Variants in FAM193B observed in about 807,000 individuals in gnomAD.
The protein encoded by FAM193B is protein FAM193B.
A neutral mutation model predicts 70.7 loss-of-function variants in FAM193B; 27 were observed. The ratio of observed to expected loss-of-function variants is 0.38; its 90% CI spans 0.28 to 0.53. The LOEUF (loss-of-function observed/expected upper bound fraction) is 0.53, where lower values mean the gene tolerates loss of function less well. FAM193B is among the 20% of genes least tolerant of loss of function. FAM193B has a pLI of 0.81. For missense variants in FAM193B, 1,022 were observed against 1,072.5 expected, an observed-to-expected ratio of 0.95 and a Z score of 0.66; for synonymous variants, 448 against 436.0, an observed-to-expected ratio of 1.03 and a Z score of -0.34.
At chr5:177,542,992 C>A (rs1363267248) in intron 1 of FAM193B, among the ~76,000 whole-genome samples, 1 of 152,148 alleles carries the variant, frequency 6.6e-6, no homozygotes, top group Non-Finnish European at 1.5e-5. Flanking sequence ...TCCAATGAGA[C>A]ACTGCTTGAA....
chr5:177,521,932 C>A, intron 8 of FAM193B, 42 bp downstream of exon 8: 1 of 1,519,496 alleles, frequency 6.6e-7, no homozygotes, highest in East Asian at 2.3e-5. Context: ...GGTGGCCAAG[C>A]ACAGGGAGAG....
intron 1 of FAM193B, among the ~76,000 whole-genome samples, chr5:177,548,105 CT>C (rs930603473): frequency 6.6e-5 from 10 of 152,102 alleles, no homozygotes; most frequent in African/African-American, 2.2e-4. Flanking sequence ...TTTTTCTTCT[CT>C]TTTTTTTAGG....
chr5:177,544,295 C>G (rs1765171782), intron 1 of FAM193B, among the ~76,000 whole-genome samples: 2 of 152,188 alleles, frequency 1.3e-5, no homozygotes, highest in African/African-American at 4.8e-5. Flanking sequence ...TGCTCCCTTA[C>G]CAGATCAGGC....
rs1341957127 is a variant in FAM193B at position 177,532,408 on chromosome 5, C to T, written c.1275+35G>A. 2 of 1,588,420 alleles carry T rather than the reference C, an allele frequency of 1.3e-6. No individual in the cohort carries two copies. The highest frequency in any genetic ancestry group is 2.3e-5 in the East Asian group (1 of 43,992). Reference sequence around the variant, plus strand: ...GCTCCTTTTGCTCACCTTGGCTGGCCCCCAGCCCTCTCTAGCCTGGGCAGG... The same window carrying T: ...GCTCCTTTTGCTCACCTTGGCTGGCTCCCAGCCCTCTCTAGCCTGGGCAGG... On this transcript the variant is annotated intron_variant, in intron 5 of 8. Coordinates refer to ENST00000514747, the MANE Select transcript of FAM193B (RefSeq NM_001190946.3). This position sits in a 1 kb window ranked among gnomAD's most constrained non-coding sequence, Gnocchi z 4.9.
chr5:177,523,873 G>A, intron 7 of FAM193B, 84 bp downstream of exon 7: 2 of 1,478,656 alleles, frequency 1.4e-6, no homozygotes, highest in Non-Finnish European at 1.9e-6. Context: ...AGGCCTTTCT[G>A]AGGCTTGAGG....
intron 4 of FAM193B, 127 bp downstream of exon 4, chr5:177,536,231 C>T: frequency 9.0e-7 from 1 of 1,107,456 alleles, no homozygotes; most frequent in Non-Finnish European, 1.3e-6. Context: ...TACTTCTTTA[C>T]AATTGAAAAA....
At chr5:177,529,264 C>T (rs1159121452) in intron 5 of FAM193B, among the ~76,000 whole-genome samples, 7 of 145,974 alleles carry the variant, frequency 4.8e-5, no homozygotes, top group Non-Finnish European at 9.2e-5. Flanking sequence ...GAGAGTGTCA[C>T]GGGCTGGCAG....
At chr5:177,543,434 T>C (rs163197) in intron 1 of FAM193B, among the ~76,000 whole-genome samples, 127,159 of 152,176 alleles carry the variant, frequency 0.84, 55,030 homozygotes, top group Non-Finnish European at 0.94. Context: ...TAAGTCTACA[T>C]TGAAGACTAG....
At chr5:177,552,045 A>G (rs1766326955) in intron 1 of FAM193B, 6 of 985,408 alleles carry the variant, frequency 6.1e-6, no homozygotes, top group African/African-American at 1.7e-5. Context: ...AAAGTACCTA[A>G]AAGTCCTTTT....
Position 177,532,574 on chromosome 5 carries a change from C to G in FAM193B, c.1144G>C (p.Glu382Gln), listed in dbSNP as rs778997373. Residue 382 changes from glutamate (E) to glutamine (Q), a missense_variant, in exon 5 of 9, where the codon GAG (glutamate) becomes CAG (glutamine). Glu to Gln is a conservative substitution (Grantham distance 29, BLOSUM62 2). Transcript: ENST00000514747. The surrounding 1 kb of genome is among the most constrained non-coding windows in gnomAD (Gnocchi z 4.9). Reference sequence around the variant, plus strand: ...TCCTCACCCAGCCCCTCATCTGCCTCGCAGGGCTGGGGCAGCTGGCAAGCC... The same window carrying G: ...TCCTCACCCAGCCCCTCATCTGCCTGGCAGGGCTGGGGCAGCTGGCAAGCC... ...GLACQLPQPC[E>Q]ADEGLGEEED... is the part of the protein sequence containing the mutation. 1.9e-6 allele frequency: 3 copies of G among 1,601,450 alleles called. No homozygotes were observed. Among genetic ancestry groups the G allele is most frequent in the Admixed American group, 3.5e-5 (2 of 57,052 alleles).
intron 4 of FAM193B, among the ~76,000 whole-genome samples, chr5:177,535,534 A>T (rs1350719220): frequency 1.3e-5 from 2 of 152,262 alleles, no homozygotes; most frequent in African/African-American, 4.8e-5. Context: ...TCCCTGAAGG[A>T]CATGATTTCT....
intron 1 of FAM193B, chr5:177,553,786 G>T (rs993945253): frequency 1.6e-6 from 2 of 1,287,182 alleles, no homozygotes; most frequent in South Asian, 1.2e-5. Flanking sequence ...CTGCTGAGGG[G>T]GCCGCGGCTG....
In FAM193B at chr5:177,533,585, C is replaced by T. The variant is rs1251649752; in HGVS notation, c.1077-944G>A. 3.9e-5 allele frequency among the ~76,000 whole-genome samples: 6 copies of T among 152,256 alleles called. 1 individual carries two copies. Among genetic ancestry groups the T allele is most frequent in the Admixed American group, 2.0e-4 (3 of 15,284 alleles). On this transcript the variant is annotated intron_variant, in intron 4 of 8. Coordinates refer to ENST00000514747, the MANE Select transcript of FAM193B (RefSeq NM_001190946.3). ...CCTCCCAAAGTGCTGGGATTACAGG[C>T]GTGAGCCACTGCGCCCGGCCTTGGC...
At chr5:177,537,752 A>C (rs1261713664) in intron 3 of FAM193B, 121 bp downstream of exon 3, 1 of 1,389,686 alleles carries the variant, frequency 7.2e-7, no homozygotes, top group Non-Finnish European at 9.5e-7. Context: ...CTTCCACCAG[A>C]ACAGTTCCAC....
Position 177,525,010 on chromosome 5 carries a change from T to A in FAM193B, c.1471A>T (p.Ser491Cys). The change falls in exon 6 of 9, where the codon AGT becomes TGT. Residue 491 changes from serine to cysteine, a missense_variant. Transcript: ENST00000514747. ...TVKDSIRASFSVCELSMDSNG... is the reference protein window; with the variant it reads ...TVKDSIRASFCVCELSMDSNG... ...CTGTCCATGCTGAGCTCACACACAC[T>A]GAAGCTGGCACGGATGGAGTCTTTG... The A allele has an allele frequency of 2.6e-6, 4 of 1,544,124 alleles. 1 individual carries two copies. Among genetic ancestry groups the A allele is most frequent in the South Asian group, 1.3e-5 (1 of 79,058 alleles).
At position 177,538,886 on chromosome 5, in the gene FAM193B, C is replaced by G. The variant is rs1258616976; in HGVS notation, c.453+19G>C. 4 of 1,612,330 alleles carry G rather than the reference C, an allele frequency of 2.5e-6. No individual in the cohort carries two copies. Among genetic ancestry groups the G allele is most frequent in the African/African-American group, 2.7e-5 (2 of 74,922 alleles). On this transcript the variant is annotated intron_variant, in intron 2 of 8. Coordinates refer to ENST00000514747, the MANE Select transcript of FAM193B (RefSeq NM_001190946.3). This position sits in a 1 kb window ranked among gnomAD's most constrained non-coding sequence, Gnocchi z 4.1. ...AGGAGCCCTCCTGCATTCAGGGACC[C>G]CTGTCAGCGGTTACCTACCGCCACT...
rs199815747 is a variant in FAM193B, at chr5:177,548,358, G to GT, written c.210+5890dup. ...AAGCTGTAGCACAGAGTAGGCACAGGTAAGTGTTTGGATACACAATGGAAG... is the reference window on the plus strand; with the variant it reads ...AAGCTGTAGCACAGAGTAGGCACAGGTTAAGTGTTTGGATACACAATGGAAG... On this transcript the variant is annotated intron_variant, in intron 1 of 8. Transcript: ENST00000514747. 6.4e-3 allele frequency among the ~76,000 whole-genome samples: 981 copies of GT among 152,328 alleles called. 13 individuals carry two copies. The highest frequency in any genetic ancestry group is 0.023 in the African/African-American group (942 of 41,568).
intron 1 of FAM193B, chr5:177,554,024 G>A (rs998540464): frequency 6.8e-6 from 9 of 1,332,120 alleles, no homozygotes; most frequent in Non-Finnish European, 8.7e-6. Context: ...GGAGAGGGGA[G>A]CAGCTTCAGC....
At position 177,554,284 on chromosome 5, in the gene FAM193B, C is replaced by T. The variant is rs1215861705; in HGVS notation, c.175G>A (p.Glu59Lys). 258 of 1,418,888 alleles carry T rather than the reference C, an allele frequency of 1.8e-4. No individual in the cohort carries two copies. The highest frequency in any genetic ancestry group is 2.3e-4 in the Non-Finnish European group (251 of 1,082,374). 87.9% of individuals were successfully genotyped at this position (1,418,888 alleles called of 1,614,324 possible). The change falls in exon 1 of 9, where the codon GAG becomes AAG. Residue 59 changes from glutamate (E) to lysine (K), a missense_variant. Coordinates refer to ENST00000514747, the MANE Select transcript of FAM193B (RefSeq NM_001190946.3). ...GGCACCAGGTTGGGTTCGTCATCCT[C>T]CCTGGGGCCGTCGTGGTCGGGCTCC... is the stretch of plus-strand genomic sequence containing the variant. ...PAEPDHDGPR[E>K]DDEPNLVPGP...
Sources: allele counts gnomAD v4.1 joint callset (sites outside exome capture counted in the v4.1 genomes callset), GRCh38; gene constraint gnomAD v4.1.1; non-coding constraint Gnocchi (gnomAD v3.1); transcripts MANE v1.5; gene names NCBI Gene and HGNC (gene_info 2026-07-23, HGNC 2026-07-21).